Variants in FSTL5 observed in about 807,000 individuals in gnomAD.
FSTL5 encodes follistatin-related protein 5.
FSTL5 carries 62 observed loss-of-function variants against 89.1 expected under a neutral mutation model. The ratio of observed to expected loss-of-function variants is 0.70; its 90% CI spans 0.57 to 0.86. The LOEUF is 0.86. Among genes scored for constraint, FSTL5 ranks in the 40% least tolerant of loss-of-function variants. The pLI is 0.00. For synonymous variants in FSTL5, 383 were observed against 346.2 expected (o/e 1.11, Z -1.18); for missense variants, 1,057 against 1,001.6 (o/e 1.06, Z -0.75).
chr4:161,439,141 G>A (rs1406377543), intron 15 of FSTL5, among the ~76,000 whole-genome samples: 1 of 152,108 alleles, frequency 6.6e-6, no homozygotes, highest in East Asian at 1.9e-4. Flanking sequence ...TCGGTGTCTT[G>A]TAAAATGATG....
intron 12 of FSTL5, among the ~76,000 whole-genome samples, chr4:161,493,954 C>T (rs1374343703): frequency 6.6e-6 from 1 of 152,060 alleles, no homozygotes; most frequent in Admixed American, 6.6e-5. Flanking sequence ...CAATTTTAGG[C>T]TTACATATTA....
chr4:161,843,534 G>A (rs1273954579), intron 4 of FSTL5, among the ~76,000 whole-genome samples: 1 of 151,728 alleles, frequency 6.6e-6, no homozygotes, highest in Non-Finnish European at 1.5e-5. Flanking sequence ...GTGAATGGGA[G>A]TTCAAACTAC....
chr4:161,648,096 T>C (rs888584796), intron 7 of FSTL5, among the ~76,000 whole-genome samples: 5 of 152,102 alleles, frequency 3.3e-5, no homozygotes. Flanking sequence ...CAATAAAACC[T>C]TGCACTCATT....
At chr4:162,090,264 G>GT (rs1730494188) in intron 2 of FSTL5, among the ~76,000 whole-genome samples, 1 of 152,008 alleles carries the variant, frequency 6.6e-6, no homozygotes, top group Non-Finnish European at 1.5e-5. Context: ...AAATGGGGTT[G>GT]TTTTTCTGCA....
At chr4:161,493,281 G>T (rs1363403123) in intron 12 of FSTL5, among the ~76,000 whole-genome samples, 2 of 151,544 alleles carry the variant, frequency 1.3e-5, no homozygotes, top group East Asian at 3.9e-4. Context: ...CAAAATTATT[G>T]TCTCTCATAG....
At chr4:161,601,035 CA>C (rs747046325) in intron 7 of FSTL5, among the ~76,000 whole-genome samples, 3 of 151,612 alleles carry the variant, frequency 2.0e-5, no homozygotes, top group Non-Finnish European at 2.9e-5. Context: ...CAAGTAAGTA[CA>C]AAAAAAATCA....
At chr4:161,763,288 A>G (rs1336375656) in intron 5 of FSTL5, among the ~76,000 whole-genome samples, 1 of 152,164 alleles carries the variant, frequency 6.6e-6, no homozygotes. Context: ...AGTAGTAAAT[A>G]TATATATTTT....
At chr4:161,604,271 T>C (rs761259247) in intron 7 of FSTL5, among the ~76,000 whole-genome samples, 1 of 152,190 alleles carries the variant, frequency 6.6e-6, no homozygotes, top group Non-Finnish European at 1.5e-5. Flanking sequence ...TTAGCACTGT[T>C]ATCATGGATT....
At position 162,101,009 on chromosome 4, in the gene FSTL5, C is replaced by T. The variant is rs115134553; in HGVS notation, c.126+10262G>A. Among the ~76,000 whole-genome samples, 1,458 of 152,234 alleles carry T rather than the reference C, an allele frequency of 9.6e-3. 20 individuals carry two copies. Among genetic ancestry groups the T allele is most frequent in the African/African-American group, 0.032 (1,343 of 41,528 alleles). On this transcript the variant is annotated intron_variant, in intron 2 of 15. Transcript: ENST00000306100. ...CTGATTGTATAATGAGTGACAGACC[C>T]ACCTTTGAAAGGGGCCATGGTTTTA...
chr4:162,004,451 C>A (rs186022897), intron 3 of FSTL5, among the ~76,000 whole-genome samples: 1 of 152,270 alleles, frequency 6.6e-6, no homozygotes, highest in Non-Finnish European at 1.5e-5. Flanking sequence ...CCAACCTCCA[C>A]TTCACTCAAA....
chr4:161,553,278 A>T (rs1732276790), intron 8 of FSTL5, among the ~76,000 whole-genome samples: 1 of 151,410 alleles, frequency 6.6e-6, no homozygotes, highest in African/African-American at 2.4e-5. Flanking sequence ...TTATGTATAT[A>T]TTAATACAGG....
intron 3 of FSTL5, among the ~76,000 whole-genome samples, chr4:162,029,149 GA>G (rs1737413803): frequency 1.9e-5 from 1 of 52,758 alleles, no homozygotes; most frequent in Non-Finnish European, 4.5e-5. Flanking sequence ...ACATGAGGGA[GA>G]GAGAGAGAGA....
rs149271421 is a variant in FSTL5, at chr4:161,989,580, C to T, written c.160+44045G>A. Among the ~76,000 whole-genome samples the T allele has an allele frequency of 2.5e-3, 386 of 152,062 alleles. 1 individual carries two copies. The highest frequency in any genetic ancestry group is 8.5e-3 in the African/African-American group (354 of 41,528). ...CATCCTAATAAATTAAAAACAAATGCGACTTTATTGAAATATCAAATGTAT... is the reference window on the plus strand; with the variant it reads ...CATCCTAATAAATTAAAAACAAATGTGACTTTATTGAAATATCAAATGTAT... On this transcript the variant is annotated intron_variant, in intron 3 of 15. Transcript: ENST00000306100.
At chr4:161,609,948 G>A (rs928975005) in intron 7 of FSTL5, among the ~76,000 whole-genome samples, 1 of 152,078 alleles carries the variant, frequency 6.6e-6, no homozygotes, top group Non-Finnish European at 1.5e-5. Flanking sequence ...AAAAACATGA[G>A]GGACTCAGGG....
chr4:161,733,773 T>C (rs1358964304), intron 6 of FSTL5, among the ~76,000 whole-genome samples: 1 of 151,988 alleles, frequency 6.6e-6, no homozygotes, highest in Non-Finnish European at 1.5e-5. Flanking sequence ...TATTTTACTG[T>C]ATTTACTTAC....
chr4:161,989,810 C>T (rs866773524), intron 3 of FSTL5, among the ~76,000 whole-genome samples: 3 of 152,062 alleles, frequency 2.0e-5, no homozygotes, highest in African/African-American at 7.2e-5. Flanking sequence ...GTGGGGATTA[C>T]AGGATACTAA....
chr4:161,417,012 T>C (rs2110954968), intron 15 of FSTL5, among the ~76,000 whole-genome samples: 1 of 152,292 alleles, frequency 6.6e-6, no homozygotes, highest in South Asian at 2.1e-4. Context: ...TGTTTATTAT[T>C]AAAAGTGTCT....
intron 3 of FSTL5, among the ~76,000 whole-genome samples, chr4:161,992,678 A>T (rs1235418330): frequency 2.0e-5 from 3 of 150,988 alleles, no homozygotes; most frequent in Non-Finnish European, 4.4e-5. Context: ...CCCCATCTCT[A>T]CTAAGAATAC....
intron 13 of FSTL5, among the ~76,000 whole-genome samples, chr4:161,478,470 A>G (rs1242563726): frequency 6.6e-6 from 1 of 152,152 alleles, no homozygotes; most frequent in Non-Finnish European, 1.5e-5. Context: ...GGCCAACAGC[A>G]TTACAACTCA....
Sources: gnomAD v4.1 joint callset for allele counts (sites outside exome capture counted in the v4.1 genomes callset) on GRCh38, gnomAD v4.1.1 for gene constraint, MANE v1.5 for transcripts, NCBI Gene and HGNC (gene_info 2026-07-23, HGNC 2026-07-21) for gene names.